SLC34A1: variants seen among roughly 807,000 people sequenced by gnomAD.
SLC34A1 encodes solute carrier family 34 member 1.
A neutral mutation model predicts 51.4 loss-of-function variants in SLC34A1; 57 were observed. That is an observed-to-expected ratio of 1.11 (90% CI 0.90 to 1.38). The LOEUF (loss-of-function observed/expected upper bound fraction) is 1.38, where lower values mean the gene tolerates loss of function less well. SLC34A1 is among the 40% of genes most tolerant of loss of function. The probability of loss-of-function intolerance (pLI) is 0.00; values close to 1 mark genes in which losing one functional copy is unlikely to be tolerated. For missense variants in SLC34A1, 796 were observed against 835.6 expected, an observed-to-expected ratio of 0.95 and a Z score of 0.58; for synonymous variants, 368 against 358.0, an observed-to-expected ratio of 1.03 and a Z score of -0.32.
At chr5:177,390,131 T>G in intron 8 of SLC34A1, 3 of 1,035,428 alleles carry the variant, frequency 2.9e-6, no homozygotes, top group East Asian at 8.8e-5. Flanking sequence ...TTCCAACCTG[T>G]TCCCATTGAC....
In SLC34A1 at chr5:177,386,370, A is replaced by AC. The variant is rs752272821; in HGVS notation, c.388+23dup. 1.9e-6 allele frequency: 3 copies of AC among 1,614,102 alleles called. No individual in the cohort carries two copies. The highest frequency in any genetic ancestry group is 1.7e-6 in the Non-Finnish European group (2 of 1,180,002). ...TGGAGGTAGGGCCCGGGTGGAGGAG[A>AC]CCTGGGAGGGGTTCCTGAAGGGCCT... On this transcript the variant is annotated intron_variant, in intron 4 of 12. Coordinates refer to ENST00000324417, the MANE Select transcript of SLC34A1 (RefSeq NM_003052.5). The surrounding 1 kb of genome is among the most constrained non-coding windows in gnomAD (Gnocchi z 4.8).
chr5:177,389,200 C>T (rs1762710559), intron 8 of SLC34A1, among the ~76,000 whole-genome samples: 1 of 152,166 alleles, frequency 6.6e-6, no homozygotes. Context: ...AGCACACTTC[C>T]TTACTCAGCT....
At chr5:177,392,589 C>G (rs563915391) in intron 8 of SLC34A1, among the ~76,000 whole-genome samples, 1 of 152,168 alleles carries the variant, frequency 6.6e-6, no homozygotes, top group Non-Finnish European at 1.5e-5. Context: ...TCAAAGTGGT[C>G]GCCAATATTT....
intron 10 of SLC34A1, among the ~76,000 whole-genome samples, chr5:177,395,552 C>T (rs2127354256): frequency 6.6e-6 from 1 of 152,268 alleles, no homozygotes; most frequent in African/African-American, 2.4e-5. Context: ...CCAGGCTCTG[C>T]TCAGAGCCTG....
In SLC34A1 at chr5:177,394,097, T is replaced by A. The variant is rs758999045; in HGVS notation, c.1076T>A (p.Leu359Gln). ...GGGCTCATCCTGCTGGCAGGATCCC[T>A]GGTGCTGCTGTGCACCTGCCTCATC... is the stretch of plus-strand genomic sequence containing the variant. ...AVGLILLAGSLVLLCTCLILL... is the reference protein window; with the variant it reads ...AVGLILLAGSQVLLCTCLILL... The change falls in exon 10 of 13, where the codon CTG becomes CAG. Residue 359 changes from leucine (L) to glutamine (Q), a missense_variant. Coordinates refer to ENST00000324417, the MANE Select transcript of SLC34A1 (RefSeq NM_003052.5). 6.2e-7 allele frequency: 1 copy of A among 1,614,046 alleles called. No individual in the cohort carries two copies. Among genetic ancestry groups the A allele is most frequent in the Non-Finnish European group, 8.5e-7 (1 of 1,180,022 alleles).
In SLC34A1 at chr5:177,386,326, G is replaced by T. The variant is rs772044990; in HGVS notation, c.365G>T (p.Ser122Ile). ...YLFVCSLDML[S>I]SAFQLAGGKV... ...TTCGTCTGCTCCCTGGACATGCTCA[G>T]CTCGGCCTTCCAGCTGGCTGGAGGT... Residue 122 changes from serine to isoleucine, a missense_variant, in exon 4 of 13, where the codon AGC (serine) becomes ATC (isoleucine). By Grantham distance (142) the Ser-to-Ile change is moderately radical. Coordinates refer to ENST00000324417, the MANE Select transcript of SLC34A1 (RefSeq NM_003052.5). The surrounding 1 kb of genome is among the most constrained non-coding windows in gnomAD (Gnocchi z 4.8). 4.3e-6 allele frequency: 7 copies of T among 1,614,140 alleles called. No homozygotes were observed. The African/African-American group carries it at 9.3e-5, about 22-fold the overall frequency.
rs1398799132 is a variant in SLC34A1, at chr5:177,386,309, C to T, written c.348C>T (p.Cys116=). The T allele has an allele frequency of 1.9e-6, 3 of 1,614,154 alleles. No individual in the cohort carries two copies. Among genetic ancestry groups the T allele is most frequent in the East Asian group, 2.2e-5 (1 of 44,900 alleles). The change falls in exon 4 of 13, where the codon TGC becomes TGT. Residue 116 remains cysteine (C), a synonymous_variant. Transcript: ENST00000324417. The surrounding 1 kb of genome is among the most constrained non-coding windows in gnomAD (Gnocchi z 4.8). The stretch of plus-strand genomic sequence containing the variant: ...TCACCTTCCTCTACCTCTTCGTCTG[C>T]TCCCTGGACATGCTCAGCTCGGCCT... The part of the protein sequence containing the change: ...LMLTFLYLFV[C]SLDMLSSAFQ...
At chr5:177,391,359 TA>T (rs35146532) in intron 8 of SLC34A1, among the ~76,000 whole-genome samples, 42 of 152,334 alleles carry the variant, frequency 2.8e-4, no homozygotes, top group Non-Finnish European at 5.4e-4. Context: ...GTCAAGGTTC[TA>T]AAAACCCAGA....
Position 177,386,566 on chromosome 5 carries a change from T to G in SLC34A1, c.532T>G (p.Leu178Val), listed in dbSNP as rs781202369. 3 of 1,613,960 alleles carry G rather than the reference T, an allele frequency of 1.9e-6. No individual in the cohort carries two copies. The highest frequency in any genetic ancestry group is 2.2e-5 in the South Asian group (2 of 91,070). The change falls in exon 5 of 13, where the codon TTG becomes GTG. Residue 178 changes from leucine to valine, a missense_variant and splice_region_variant. Coordinates refer to ENST00000324417, the MANE Select transcript of SLC34A1 (RefSeq NM_003052.5). This position sits in a 1 kb window ranked among gnomAD's most constrained non-coding sequence, Gnocchi z 4.8. ...SIIVSMVSSG[L>V]LEVSSAIPII... is the part of the protein sequence containing the mutation. The stretch of plus-strand genomic sequence containing the variant: ...CATCGTCAGCATGGTCTCCTCTGGC[T>G]GTGAGTTGGCCCACCAGGGTGGGGA...
In SLC34A1 at chr5:177,396,159, G is replaced by T. The variant is rs1320676663; in HGVS notation, c.1175-574G>T. Among the ~76,000 whole-genome samples, 1 of 152,180 alleles carries T rather than the reference G, an allele frequency of 6.6e-6. No individual in the cohort carries two copies. ...AATAAGGGGTATCATGGGGCTGTGG[G>T]AGCTCAGAGAAGGGAGAAAAAGTCT... On this transcript the variant is annotated intron_variant, in intron 10 of 12. Transcript: ENST00000324417. This position sits in a 1 kb window ranked among gnomAD's most constrained non-coding sequence, Gnocchi z 4.0.
rs1251091201 is a variant in SLC34A1 at position 177,398,314 on chromosome 5, T to C, written c.*28T>C. Reference sequence around the variant, plus strand: ...TGTGGGCCCAGACTACAGCCTGGAATGGGGAAGGCCTGGGGTGGAAAGGCA... The same window carrying C: ...TGTGGGCCCAGACTACAGCCTGGAACGGGGAAGGCCTGGGGTGGAAAGGCA... On this transcript the variant is annotated 3_prime_UTR_variant, in exon 13 of 13. Coordinates refer to ENST00000324417, the MANE Select transcript of SLC34A1 (RefSeq NM_003052.5). The surrounding 1 kb of genome is among the most constrained non-coding windows in gnomAD (Gnocchi z 4.7). The C allele has an allele frequency of 1.6e-5, 26 of 1,598,666 alleles. No homozygotes were observed. Among genetic ancestry groups the C allele is most frequent in the East Asian group, 1.1e-4 (5 of 44,884 alleles).
intron 12 of SLC34A1, 135 bp from the exon 13 acceptor site, chr5:177,397,648 G>A (rs1413025777): frequency 1.8e-5 from 21 of 1,146,092 alleles, no homozygotes; most frequent in Non-Finnish European, 2.7e-5. Context: ...CTCGGGGCAG[G>A]GGGCACATCA....
At chr5:177,387,181 T>C (rs543014811) in intron 5 of SLC34A1, among the ~76,000 whole-genome samples, 36 of 149,662 alleles carry the variant, frequency 2.4e-4, no homozygotes, top group South Asian at 1.7e-3. Flanking sequence ...CCACCCTGGC[T>C]AACACGGTGA....
At position 177,398,577 on chromosome 5, in the gene SLC34A1, G is replaced by T; in HGVS notation, c.*291G>T. 1 of 542,752 alleles carries T rather than the reference G, an allele frequency of 1.8e-6. No homozygotes were observed. The highest frequency in any genetic ancestry group is 3.1e-5 in the Admixed American group (1 of 32,192). 33.6% of individuals were successfully genotyped at this position (542,752 alleles called of 1,614,324 possible). Reference sequence around the variant, plus strand: ...GTGGGAGGCTGTGTGCAGGCTGCAGGATATCTGGGTATGATTTCAGGTCCT... The same window carrying T: ...GTGGGAGGCTGTGTGCAGGCTGCAGTATATCTGGGTATGATTTCAGGTCCT... On this transcript the variant is annotated 3_prime_UTR_variant, in exon 13 of 13. Coordinates refer to ENST00000324417, the MANE Select transcript of SLC34A1 (RefSeq NM_003052.5). The surrounding 1 kb of genome is among the most constrained non-coding windows in gnomAD (Gnocchi z 4.7).
chr5:177,390,356 CT>C (rs764851149), intron 8 of SLC34A1: 17 of 985,502 alleles, frequency 1.7e-5, no homozygotes, highest in Non-Finnish European at 2.0e-5. Context: ...CTATACCTGC[CT>C]GGATTAAACA....
intron 9 of SLC34A1, 38 bp from the exon 10 acceptor site, chr5:177,393,990 G>GGT: frequency 6.2e-7 from 1 of 1,613,452 alleles, no homozygotes; most frequent in Non-Finnish European, 8.5e-7. Flanking sequence ...CTGGGAGCCA[G>GGT]GTGTGGGGTC....
At position 177,397,833 on chromosome 5, in the gene SLC34A1, C is replaced by T. The variant is rs1185100306; in HGVS notation, c.1467C>T (p.Tyr489=). Residue 489 remains tyrosine, a synonymous_variant, in exon 13 of 13, where the codon TAC becomes TAT. Transcript: ENST00000324417. ...FFNISGILLW[Y]PVPCTRLPIR... is the part of the protein sequence containing the mutation. ...ACATCTCGGGTATCCTTCTGTGGTA[C>T]CCGGTGCCCTGCACACGCCTGCCCA... The T allele has an allele frequency of 6.2e-7, 1 of 1,613,364 alleles. No homozygotes were observed.
Position 177,385,832 on chromosome 5 carries a change from T to G in SLC34A1, c.91T>G (p.Tyr31Asp). 6.2e-7 allele frequency: 1 copy of G among 1,613,544 alleles called. No individual in the cohort carries two copies. Among genetic ancestry groups the G allele is most frequent in the Non-Finnish European group, 8.5e-7 (1 of 1,179,888 alleles). ...TGTGATGCGAGGGACGGCCTTTGCC[T>G]ACGTGCCCAGCCCTCAGGGTAAGTG... ...GHVMRGTAFA[Y>D]VPSPQVLHRI... The change falls in exon 2 of 13, where the codon TAC becomes GAC. Residue 31 changes from tyrosine (Y) to aspartate (D), a missense_variant. Tyr to Asp is a radical substitution (Grantham distance 160). Transcript: ENST00000324417.
chr5:177,396,394 C>T lies in SLC34A1; in HGVS notation c.1175-339C>T, dbSNP rs1038094900. 2.6e-5 allele frequency among the ~76,000 whole-genome samples: 4 copies of T among 152,152 alleles called. No homozygotes were observed. The highest frequency in any genetic ancestry group is 9.6e-5 in the African/African-American group (4 of 41,454). On this transcript the variant is annotated intron_variant, in intron 10 of 12. Transcript: ENST00000324417. The surrounding 1 kb of genome is among the most constrained non-coding windows in gnomAD (Gnocchi z 4.0). ...GAAGCAACTGCAGTGGGAGCAAACCCCCATGGAGGTCGTCTCTCCCAGTGC... is the reference window on the plus strand; with the variant it reads ...GAAGCAACTGCAGTGGGAGCAAACCTCCATGGAGGTCGTCTCTCCCAGTGC...
Sources: gnomAD v4.1 joint callset for allele counts (sites outside exome capture counted in the v4.1 genomes callset) on GRCh38, gnomAD v4.1.1 for gene constraint, Gnocchi (gnomAD v3.1) non-coding constraint, MANE v1.5 for transcripts, NCBI Gene and HGNC (gene_info 2026-07-23, HGNC 2026-07-21) for gene names.